The following UNC13A variants were observed in gnomAD, a reference collection of about 807,000 sequenced individuals.
The protein encoded by UNC13A is protein unc-13 homolog A.
Under a neutral mutation model 219.7 loss-of-function variants are expected in UNC13A, and 61 were observed. That is an observed-to-expected ratio of 0.28 (90% CI 0.23 to 0.34). UNC13A has a LOEUF of 0.34. Ranked by LOEUF, UNC13A falls within the 10% of genes least tolerant of loss-of-function variation. The pLI, the probability that UNC13A is intolerant of heterozygous loss-of-function variation, is 1.00. For missense variants in UNC13A, 1,476 were observed against 2,270.3 expected (o/e 0.65, Z 7.11); for synonymous variants, 920 against 884.6 (o/e 1.04, Z -0.71).
At chr19:17,664,193 C>T (rs950629332) in intron 7 of UNC13A, among the ~76,000 whole-genome samples, 9 of 152,140 alleles carry the variant, frequency 5.9e-5, no homozygotes, top group Non-Finnish European at 1.3e-4. Flanking sequence ...CTAGGGTTAG[C>T]AGTCTCCCAG....
intron 8 of UNC13A, among the ~76,000 whole-genome samples, chr19:17,661,966 G>T (rs1336171633): frequency 6.6e-6 from 1 of 152,096 alleles, no homozygotes; most frequent in East Asian, 1.9e-4. Flanking sequence ...AGAAGGCCGG[G>T]CGCAGTGGCT....
In UNC13A at chr19:17,618,874, C is replaced by T. The variant is rs753641624; in HGVS notation, c.4329+32G>A. The T allele has an allele frequency of 3.7e-6, 6 of 1,612,562 alleles. No homozygotes were observed. In the South Asian group the frequency reaches 4.4e-5, roughly 12 times the overall value. On this transcript the variant is annotated intron_variant, in intron 39 of 43. Coordinates refer to ENST00000519716, the MANE Select transcript of UNC13A (RefSeq NM_001080421.3). ...AAGCCACATGAGTTTGGGGGGCAGTCCCTCACGCCATAATCTATCCCCACT... is the reference window on the plus strand; with the variant it reads ...AAGCCACATGAGTTTGGGGGGCAGTTCCTCACGCCATAATCTATCCCCACT...
intron 1 of UNC13A, among the ~76,000 whole-genome samples, chr19:17,678,641 C>G (rs2079946967): frequency 6.6e-6 from 1 of 152,054 alleles, no homozygotes; most frequent in Admixed American, 6.6e-5. Flanking sequence ...GGAGCGCACC[C>G]ACCCAGCACC....
At chr19:17,675,851 A>G (rs994046366) in intron 2 of UNC13A, among the ~76,000 whole-genome samples, 161 bp downstream of exon 2, 2 of 152,018 alleles carry the variant, frequency 1.3e-5, no homozygotes, top group African/African-American at 4.8e-5. Flanking sequence ...CCCCAGGCCA[A>G]TGGCTGCCCC....
Position 17,603,194 on chromosome 19 carries a change from C to A in UNC13A, c.*2860G>T, listed in dbSNP as rs1185284978. 6.6e-6 allele frequency: 1 copy of A among 151,754 alleles called. No homozygotes were observed. The highest frequency in any genetic ancestry group is 1.5e-5 in the Non-Finnish European group (1 of 67,934). 9.4% of individuals were successfully genotyped at this position (151,754 alleles called of 1,614,324 possible). A position where few individuals can be genotyped will look rare whatever the true frequency, so the allele number is the denominator to read the frequency against. On this transcript the variant is annotated 3_prime_UTR_variant, in exon 44 of 44. Coordinates refer to ENST00000519716, the MANE Select transcript of UNC13A (RefSeq NM_001080421.3). ...TGAAGAAGCTTGTTTCCTTCACATGCCTGGGCCATTGCTGGGGAACCCTAA... is the reference window on the plus strand; with the variant it reads ...TGAAGAAGCTTGTTTCCTTCACATGACTGGGCCATTGCTGGGGAACCCTAA...
chr19:17,631,188 T>TTCCCTCCCTCCC (rs1555778894), intron 28 of UNC13A, among the ~76,000 whole-genome samples: 1 of 25,202 alleles, frequency 4.0e-5, no homozygotes, highest in East Asian at 7.6e-4. Context: ...CTTTCCTTCC[T>TTCCCTCCCTCCC]TCCCTCCCTC....
intron 36 of UNC13A, chr19:17,622,962 A>G (rs2076744312): frequency 6.6e-6 from 1 of 152,366 alleles, no homozygotes; most frequent in Non-Finnish European, 1.5e-5. Flanking sequence ...AGCCATGACA[A>G]AAGTCTCCCA....
chr19:17,646,796 G>A (rs2077031786), intron 17 of UNC13A, among the ~76,000 whole-genome samples: 1 of 152,220 alleles, frequency 6.6e-6, no homozygotes, highest in African/African-American at 2.4e-5. Context: ...ACCCACATGA[G>A]GCTGGGTGTG....
Position 17,603,229 on chromosome 19 carries a change from C to G in UNC13A, c.*2825G>C, listed in dbSNP as rs970393845. 3 of 152,040 alleles carry G rather than the reference C, an allele frequency of 2.0e-5. No individual in the cohort carries two copies. Among genetic ancestry groups the G allele is most frequent in the African/African-American group, 7.3e-5 (3 of 41,312 alleles). The allele number at this position is 152,040 out of a possible 1,614,324, so 9.4% of individuals were successfully genotyped here. A position where few individuals can be genotyped will look rare whatever the true frequency, so the allele number is the denominator to read the frequency against. On this transcript the variant is annotated 3_prime_UTR_variant, in exon 44 of 44. Transcript: ENST00000519716. ...TGCTGGGGAACCCTAAACACACACA[C>G]ACACACACGGAGGTCTTGAACAGAA... is the stretch of plus-strand genomic sequence containing the variant.
At chr19:17,666,476 G>T (rs1002835657) in intron 7 of UNC13A, among the ~76,000 whole-genome samples, 174 bp downstream of exon 7, 4 of 151,968 alleles carry the variant, frequency 2.6e-5, no homozygotes, top group Admixed American at 2.6e-4. Flanking sequence ...GGATTACAGG[G>T]GTGAGCCACC....
At chr19:17,640,897 G>A (rs1376268435) in intron 21 of UNC13A, among the ~76,000 whole-genome samples, 1 of 66,568 alleles carries the variant, frequency 1.5e-5, no homozygotes, top group Non-Finnish European at 2.9e-5. Flanking sequence ...TTTTTTTTTT[G>A]AGATGGAGTC....
At chr19:17,607,392 G>T (rs1278329058) in intron 43 of UNC13A, among the ~76,000 whole-genome samples, 1 of 143,332 alleles carries the variant, frequency 7.0e-6, no homozygotes, top group Non-Finnish European at 1.5e-5. Context: ...CTCCCTAGTA[G>T]CTGGGATTAC....
chr19:17,628,184 T>C, intron 31 of UNC13A: 1 of 549,978 alleles, frequency 1.8e-6, no homozygotes, highest in Non-Finnish European at 3.3e-6. Context: ...ACCCCAGGCC[T>C]GGTGGGGGGT....
chr19:17,639,594 G>C lies in UNC13A; in HGVS notation c.2857-69C>G, dbSNP rs116083908. The C allele has an allele frequency of 1.3e-3, 1,922 of 1,522,138 alleles. 33 individuals are homozygous for C. In the African/African-American group the frequency reaches 0.024, roughly 19 times the overall value. The allele number at this position is 1,522,138 out of a possible 1,614,324, so 94.3% of individuals were successfully genotyped here. A position where few individuals can be genotyped will look rare whatever the true frequency, so the allele number is the denominator to read the frequency against. On this transcript the variant is annotated intron_variant, in intron 23 of 43. Coordinates refer to ENST00000519716, the MANE Select transcript of UNC13A (RefSeq NM_001080421.3). ...GGGGAGGATGGGAGACTGCTTTTCA[G>C]GGGGATACAAAGGCTCCCCGGTTTC...
Position 17,688,315 on chromosome 19 carries a change from G to T in UNC13A, c.-116C>A. On this transcript the variant is annotated 5_prime_UTR_variant, in exon 1 of 44. Coordinates refer to ENST00000519716, the MANE Select transcript of UNC13A (RefSeq NM_001080421.3). ...CAGCCCGCGCTTGGCTCACGCCGGG[G>T]CCCGGCCGCCACCGGCCATCTTGGT... 3 of 1,326,870 alleles carry T rather than the reference G, an allele frequency of 2.3e-6. No individual in the cohort carries two copies. Among genetic ancestry groups the T allele is most frequent in the Non-Finnish European group, 2.9e-6 (3 of 1,038,380 alleles). 82.2% of individuals were successfully genotyped at this position (1,326,870 alleles called of 1,614,324 possible). A position where few individuals can be genotyped will look rare whatever the true frequency, so the allele number is the denominator to read the frequency against.
chr19:17,623,474 G>A (rs868375786), intron 36 of UNC13A, 68 bp downstream of exon 36: 2 of 1,366,318 alleles, frequency 1.5e-6, no homozygotes, highest in Middle Eastern at 5.0e-4. Flanking sequence ...GGGGTGCAGC[G>A]ACGCGGTGGG....
intron 41 of UNC13A, among the ~76,000 whole-genome samples, chr19:17,615,611 G>A (rs1056292246): frequency 3.3e-5 from 5 of 151,550 alleles, no homozygotes; most frequent in African/African-American, 7.3e-5. Flanking sequence ...ACCAGGAGGC[G>A]GACGGAGGTT....
At position 17,606,191 on chromosome 19, in the gene UNC13A, TGCGGCGGCCGA is replaced by T; in HGVS notation, c.4964_4974del (p.Leu1655HisfsTer128). ...GTGAGGCCCGTGTCGTCCATGTGGA[TGCGGCGGCCGA>T]GCGGCAGCCAGCAGGCGGCGCTCCC... On this transcript the variant is annotated frameshift_variant, in exon 44 of 44. Coordinates refer to ENST00000519716, the MANE Select transcript of UNC13A (RefSeq NM_001080421.3). LOFTEE classifies it high-confidence loss of function. 1 of 1,556,424 alleles carries T rather than the reference TGCGGCGGCCGA, an allele frequency of 6.4e-7. No individual in the cohort carries two copies. Among genetic ancestry groups the T allele is most frequent in the Non-Finnish European group, 8.7e-7 (1 of 1,153,012 alleles).
At chr19:17,645,567 G>A (rs563316602) in intron 19 of UNC13A, 107 bp downstream of exon 19, 23 of 1,501,176 alleles carry the variant, frequency 1.5e-5, no homozygotes, top group Middle Eastern at 1.8e-4. Flanking sequence ...TATGCTCCTC[G>A]ACCAAACTCC....
Sources: allele counts gnomAD v4.1 joint callset (sites outside exome capture counted in the v4.1 genomes callset), GRCh38; gene constraint gnomAD v4.1.1; transcripts MANE v1.5; gene names NCBI Gene and HGNC (gene_info 2026-07-23, HGNC 2026-07-21).